RAB7A: variants seen among roughly 807,000 people sequenced by gnomAD.
RAB7A encodes RAB7A, member RAS oncogene family.
RAB7A carries 2 observed loss-of-function variants against 24.5 expected under a neutral mutation model. That is an observed-to-expected ratio of 0.08 (90% confidence interval 0.03 to 0.26). The LOEUF is 0.26. Among genes scored for constraint, RAB7A ranks in the 10% least tolerant of loss-of-function variants. The pLI, the probability that RAB7A is intolerant of heterozygous loss-of-function variation, is 1.00. For missense variants in RAB7A, 118 were observed against 255.7 expected, an observed-to-expected ratio of 0.46 and a Z score of 3.67; for synonymous variants, 100 against 95.9, an observed-to-expected ratio of 1.04 and a Z score of -0.25.
At chr3:128,788,721 G>C (rs1933392997) in intron 1 of RAB7A, among the ~76,000 whole-genome samples, 1 of 152,146 alleles carries the variant, frequency 6.6e-6, no homozygotes, top group Non-Finnish European at 1.5e-5. Context: ...GCCCTTCCCT[G>C]CTGTCCTCAT....
chr3:128,780,510 G>A (rs527527288), intron 1 of RAB7A, among the ~76,000 whole-genome samples: 2 of 152,276 alleles, frequency 1.3e-5, no homozygotes, highest in South Asian at 4.1e-4. Context: ...AACTGAGATG[G>A]CCCCTTTTTG....
At chr3:128,794,587 A>C (rs772426705) in intron 1 of RAB7A, among the ~76,000 whole-genome samples, 17 of 151,206 alleles carry the variant, frequency 1.1e-4, no homozygotes, top group Non-Finnish European at 2.9e-5. Context: ...ACTGAGTCAT[A>C]CCCTGGCAAA....
chr3:128,749,080 A>G (rs1040821527), intron 1 of RAB7A: 1 of 152,190 alleles, frequency 6.6e-6, no homozygotes. Flanking sequence ...TGTAATTGGT[A>G]TCCAGAAGGA....
At chr3:128,727,668 A>T (rs1207446986) in intron 1 of RAB7A, among the ~76,000 whole-genome samples, 1 of 152,212 alleles carries the variant, frequency 6.6e-6, no homozygotes, top group Non-Finnish European at 1.5e-5. Flanking sequence ...ACCTTAGTTG[A>T]TGGCTGTCCA....
At chr3:128,727,948 A>C (rs927431352) in intron 1 of RAB7A, among the ~76,000 whole-genome samples, 6 of 151,406 alleles carry the variant, frequency 4.0e-5, no homozygotes, top group African/African-American at 1.5e-4. Flanking sequence ...TGTTGTATTC[A>C]TATTTGTCTT....
intron 1 of RAB7A, chr3:128,749,266 T>G (rs1002862265): frequency 1.3e-5 from 2 of 152,344 alleles, no homozygotes; most frequent in African/African-American, 4.8e-5. Context: ...ATAATGTTTC[T>G]GTTGTCTTGG....
At chr3:128,773,425 G>A (rs1407611253) in intron 1 of RAB7A, among the ~76,000 whole-genome samples, 1 of 150,892 alleles carries the variant, frequency 6.6e-6, no homozygotes, top group African/African-American at 2.4e-5. Flanking sequence ...GGAGGGAGGT[G>A]GGGGGCAGCC....
chr3:128,770,587 A>C (rs1312818306), intron 1 of RAB7A, among the ~76,000 whole-genome samples: 1 of 152,220 alleles, frequency 6.6e-6, no homozygotes, highest in Non-Finnish European at 1.5e-5. Flanking sequence ...GGAGGAGAAG[A>C]AAGCCAGTTA....
intron 1 of RAB7A, among the ~76,000 whole-genome samples, chr3:128,792,759 C>T (rs578197766): frequency 3.9e-5 from 6 of 152,208 alleles, no homozygotes; most frequent in South Asian, 2.1e-4. Context: ...TGGGTTCAAG[C>T]GATTCTCCTG....
chr3:128,809,858 T>C (rs1393523192), intron 5 of RAB7A, among the ~76,000 whole-genome samples: 3 of 151,130 alleles, frequency 2.0e-5, no homozygotes, highest in African/African-American at 7.3e-5. Context: ...TCTGTTCTGG[T>C]GATGTCCATG....
At chr3:128,811,335 G>C (rs189628106) in intron 5 of RAB7A, among the ~76,000 whole-genome samples, 53 of 152,188 alleles carry the variant, frequency 3.5e-4, no homozygotes, top group African/African-American at 1.0e-3. Context: ...ATATTCCTAG[G>C]TACTGGTGGG....
intron 5 of RAB7A, among the ~76,000 whole-genome samples, chr3:128,809,932 C>T (rs149544326): frequency 0.02 from 1,314 of 64,590 alleles, 33 homozygotes; most frequent in African/African-American, 0.071. Flanking sequence ...CCTCTTGCCA[C>T]AGTCTTTTTT....
chr3:128,752,845 G>T (rs1055817128), intron 1 of RAB7A, among the ~76,000 whole-genome samples: 5 of 150,662 alleles, frequency 3.3e-5, no homozygotes, highest in Admixed American at 6.6e-5. Context: ...TTTATTTCCA[G>T]GTTCAAAATC....
rs138397662 is a variant in RAB7A, at chr3:128,750,233, A to G, written c.-9+23874A>G. ...ATTTGTAGAACTTTTAACTTGAGAGAGATGATTTAGGGTATCTGGAGGAAG... is the reference window on the plus strand; with the variant it reads ...ATTTGTAGAACTTTTAACTTGAGAGGGATGATTTAGGGTATCTGGAGGAAG... On this transcript the variant is annotated intron_variant, in intron 1 of 5. Coordinates refer to ENST00000265062, the MANE Select transcript of RAB7A (RefSeq NM_004637.6). Among the ~76,000 whole-genome samples, 238 of 152,246 alleles carry G rather than the reference A, an allele frequency of 1.6e-3. 2 individuals carry two copies. In the Middle Eastern group the frequency reaches 0.027, roughly 17 times the overall value.
intron 1 of RAB7A, among the ~76,000 whole-genome samples, chr3:128,745,754 A>T (rs1252248424): frequency 6.6e-6 from 1 of 152,260 alleles, no homozygotes; most frequent in Non-Finnish European, 1.5e-5. Flanking sequence ...ACATTGCTCC[A>T]GGTGGGATGG....
chr3:128,752,838 A>G (rs927651161), intron 1 of RAB7A, among the ~76,000 whole-genome samples: 1 of 138,212 alleles, frequency 7.2e-6, no homozygotes, highest in Non-Finnish European at 1.6e-5. Context: ...AGCCTTTTTT[A>G]TTTCCAGGTT....
chr3:128,771,014 G>A (rs1384203344), intron 1 of RAB7A, among the ~76,000 whole-genome samples: 1 of 150,798 alleles, frequency 6.6e-6, no homozygotes, highest in African/African-American at 2.4e-5. Flanking sequence ...CTGTCACCCA[G>A]GCTGGAGTGC....
At chr3:128,774,620 C>A (rs1310701692) in intron 1 of RAB7A, among the ~76,000 whole-genome samples, 2 of 152,216 alleles carry the variant, frequency 1.3e-5, no homozygotes, top group African/African-American at 2.4e-5. Context: ...GTTGCCCAGG[C>A]TGGAGTGCAG....
chr3:128,731,302 C>T (rs1398078039), intron 1 of RAB7A, among the ~76,000 whole-genome samples: 3 of 152,120 alleles, frequency 2.0e-5, no homozygotes, highest in African/African-American at 7.2e-5. Context: ...AAAATAGTGT[C>T]CCTTATATGT....
Sources: gnomAD v4.1 joint callset for allele counts (sites outside exome capture counted in the v4.1 genomes callset) on GRCh38, gnomAD v4.1.1 for gene constraint, MANE v1.5 for transcripts, NCBI Gene and HGNC (gene_info 2026-07-23, HGNC 2026-07-21) for gene names.